The following CCSER1 variants were observed in gnomAD, a reference collection of about 807,000 sequenced individuals.
CCSER1 encodes the protein serine-rich coiled-coil domain-containing protein 1.
CCSER1 carries 41 observed loss-of-function variants against 82.0 expected under a neutral mutation model. That is an observed-to-expected ratio of 0.50 (90% confidence interval 0.39 to 0.65). The LOEUF (loss-of-function observed/expected upper bound fraction) is 0.65, where lower values mean the gene tolerates loss of function less well. Ranked by LOEUF, CCSER1 falls within the 30% of genes least tolerant of loss-of-function variation. The pLI is 0.00. For missense variants in CCSER1, 1,119 were observed against 1,064.2 expected (o/e 1.05, Z -0.72); for synonymous variants, 414 against 383.9 (o/e 1.08, Z -0.92).
At chr4:90,619,814 G>A (rs1323075976) in intron 5 of CCSER1, among the ~76,000 whole-genome samples, 2 of 151,962 alleles carry the variant, frequency 1.3e-5, no homozygotes, top group African/African-American at 4.8e-5. Context: ...CAACCTGATT[G>A]TACTTTCATC....
chr4:91,133,894 T>A (rs1581618213), intron 10 of CCSER1, among the ~76,000 whole-genome samples: 2 of 151,558 alleles, frequency 1.3e-5, no homozygotes, highest in Admixed American at 1.3e-4. Flanking sequence ...AGGTCAGGAG[T>A]TCAAGACCAG....
intron 10 of CCSER1, among the ~76,000 whole-genome samples, chr4:91,380,849 C>G (rs1305052920): frequency 6.6e-6 from 1 of 152,138 alleles, no homozygotes; most frequent in African/African-American, 2.4e-5. Context: ...CATGAATGTT[C>G]TTTACAATTT....
At chr4:90,325,096 G>T (rs934884172) in intron 3 of CCSER1, among the ~76,000 whole-genome samples, 9 of 152,168 alleles carry the variant, frequency 5.9e-5, no homozygotes, top group Non-Finnish European at 1.2e-4. Flanking sequence ...CAGGTACTAT[G>T]ATTGCTCACC....
intron 1 of CCSER1, among the ~76,000 whole-genome samples, chr4:90,199,005 CA>C: frequency 6.6e-6 from 1 of 152,034 alleles, no homozygotes; most frequent in African/African-American, 2.4e-5. Context: ...TCAATCTTTT[CA>C]CTAATCTCCT....
rs780132473 is a variant in CCSER1, at chr4:90,308,438, A to G, written c.154A>G (p.Ser52Gly). Residue 52 changes from serine (S) to glycine (G), a missense_variant, in exon 2 of 11, where the codon AGC (serine) becomes GGC (glycine). By Grantham distance (56) the Ser-to-Gly change is moderately conservative. Transcript: ENST00000509176. ...HSSSPSSTNS[S>G]SGSTGKRRSI... ...TTCCTCTCCTTCCAGCACTAACTCA[A>G]GCTCAGGTAGCACAGGTAAACGGAG... The G allele has an allele frequency of 2.2e-5, 36 of 1,613,752 alleles. 1 individual carries two copies. In the South Asian group the frequency reaches 3.6e-4, roughly 16 times the overall value.
intron 10 of CCSER1, among the ~76,000 whole-genome samples, chr4:91,174,736 A>G (rs979429312): frequency 3.9e-5 from 6 of 152,068 alleles, no homozygotes; most frequent in South Asian, 4.1e-4. Context: ...GTTAATTTCT[A>G]TGATGATTCT....
chr4:90,373,845 A>G (rs1285681015), intron 3 of CCSER1, among the ~76,000 whole-genome samples: 2 of 152,204 alleles, frequency 1.3e-5, no homozygotes, highest in Non-Finnish European at 2.9e-5. Context: ...TTTACTACCC[A>G]TGGTAAAATA....
At chr4:90,361,551 A>G (rs1040698589) in intron 3 of CCSER1, among the ~76,000 whole-genome samples, 3 of 152,180 alleles carry the variant, frequency 2.0e-5, no homozygotes, top group Non-Finnish European at 2.9e-5. Flanking sequence ...AGTTTGTTAT[A>G]TGCATATATT....
At chr4:91,431,137 G>A (rs991518942) in intron 10 of CCSER1, among the ~76,000 whole-genome samples, 1 of 152,110 alleles carries the variant, frequency 6.6e-6, no homozygotes, top group African/African-American at 2.4e-5. Flanking sequence ...TCGGCAGGCT[G>A]AGGCAGGAGA....
intron 10 of CCSER1, among the ~76,000 whole-genome samples, chr4:91,378,642 G>A (rs985342730): frequency 7.2e-5 from 11 of 152,218 alleles, no homozygotes. Flanking sequence ...AGCTGTAGGA[G>A]ATTTTGGGCT....
At chr4:90,545,083 G>T (rs1776597482) in intron 5 of CCSER1, among the ~76,000 whole-genome samples, 1 of 152,092 alleles carries the variant, frequency 6.6e-6, no homozygotes, top group African/African-American at 2.4e-5. Flanking sequence ...CATCTTTTGA[G>T]ATTCCCTCTT....
intron 10 of CCSER1, among the ~76,000 whole-genome samples, chr4:91,183,254 A>G (rs1418038976): frequency 3.3e-5 from 5 of 152,244 alleles, no homozygotes; most frequent in African/African-American, 2.4e-5. Context: ...ATTAATAGGC[A>G]TAGCAAAAGA....
At chr4:90,631,348 C>T (rs1261676050) in intron 6 of CCSER1, among the ~76,000 whole-genome samples, 1 of 151,948 alleles carries the variant, frequency 6.6e-6, no homozygotes, top group African/African-American at 2.4e-5. Context: ...TCTCATTGAT[C>T]TCTTTGAAAC....
chr4:91,030,076 T>G (rs916760413), intron 9 of CCSER1, among the ~76,000 whole-genome samples: 4 of 152,172 alleles, frequency 2.6e-5, no homozygotes, highest in Non-Finnish European at 5.9e-5. Context: ...GTACAATCAT[T>G]ATTACTGCTA....
At position 90,459,349 on chromosome 4, in the gene CCSER1, A is replaced by G. The variant is rs1342700177; in HGVS notation, c.1604-8885A>G. On this transcript the variant is annotated intron_variant, in intron 4 of 10. Transcript: ENST00000509176. Reference sequence around the variant, plus strand: ...CCATTAGGTGGGAGTTTGGAGTAGAACTCTGAGATCTTTTTATTTAATTAT... The same window carrying G: ...CCATTAGGTGGGAGTTTGGAGTAGAGCTCTGAGATCTTTTTATTTAATTAT... 3.9e-5 allele frequency among the ~76,000 whole-genome samples: 6 copies of G among 152,174 alleles called. No homozygotes were observed. The East Asian group carries it at 1.2e-3, about 29-fold the overall frequency.
At chr4:90,202,737 GA>G (rs1332342844) in intron 1 of CCSER1, among the ~76,000 whole-genome samples, 6 of 152,112 alleles carry the variant, frequency 3.9e-5, no homozygotes, top group African/African-American at 1.4e-4. Context: ...CTGTCTTTCT[GA>G]TTACATGGCA....
intron 10 of CCSER1, among the ~76,000 whole-genome samples, chr4:91,372,644 G>GTAAGTTT (rs1205731256): frequency 6.6e-6 from 1 of 151,904 alleles, no homozygotes; most frequent in Non-Finnish European, 1.5e-5. Context: ...ACTTACAGAA[G>GTAAGTTT]TTACCTCTGA....
chr4:90,683,807 C>T (rs1478763213), intron 6 of CCSER1, among the ~76,000 whole-genome samples: 2 of 151,978 alleles, frequency 1.3e-5, no homozygotes, highest in South Asian at 4.2e-4. Flanking sequence ...AAGATAATGT[C>T]TCAAGTAGTA....
At chr4:91,414,373 C>G (rs1005934480) in intron 10 of CCSER1, among the ~76,000 whole-genome samples, 1 of 151,798 alleles carries the variant, frequency 6.6e-6, no homozygotes, top group Non-Finnish European at 1.5e-5. Flanking sequence ...TTTTATAACA[C>G]TAAGATGTTT....
Sources: allele counts gnomAD v4.1 joint callset (sites outside exome capture counted in the v4.1 genomes callset), GRCh38; gene constraint gnomAD v4.1.1; transcripts MANE v1.5; gene names NCBI Gene and HGNC (gene_info 2026-07-23, HGNC 2026-07-21).